Variants in NAALADL2 observed in about 807,000 individuals in gnomAD.
NAALADL2 encodes the protein inactive N-acetylated-alpha-linked acidic dipeptidase-like protein 2.
In NAALADL2, 76 loss-of-function variants were observed where a neutral mutation model predicts 87.2. The observed-to-expected ratio is 0.87, with a 90% CI of 0.72 to 1.05. NAALADL2 has a LOEUF of 1.05. Among genes scored for constraint, NAALADL2 ranks in the 50% least tolerant of loss-of-function variants. The probability of loss-of-function intolerance (pLI) is 0.00; values close to 1 mark genes in which losing one functional copy is unlikely to be tolerated. For synonymous variants in NAALADL2, 354 were observed against 331.0 expected (o/e 1.07, Z -0.75); for missense variants, 1,089 against 945.8 (o/e 1.15, Z -1.99).
At chr3:175,147,590 TGG>T (rs34061778) in intron 2 of NAALADL2, among the ~76,000 whole-genome samples, 1 of 151,762 alleles carries the variant, frequency 6.6e-6, no homozygotes, top group Non-Finnish European at 1.5e-5. Flanking sequence ...AGTTTATTTT[TGG>T]GGGGGGTATA....
At chr3:175,668,202 G>C (rs1360792092) in intron 11 of NAALADL2, among the ~76,000 whole-genome samples, 3 of 152,072 alleles carry the variant, frequency 2.0e-5, no homozygotes, top group Non-Finnish European at 2.9e-5. Flanking sequence ...TAGCACCTTT[G>C]TTCTTTACAA....
At chr3:174,623,022 G>A (rs1357026305) in intron 2 of NAALADL2, among the ~76,000 whole-genome samples, 2 of 152,142 alleles carry the variant, frequency 1.3e-5, no homozygotes, top group Non-Finnish European at 2.9e-5. Context: ...CAGCCTGGAC[G>A]ACAGAGTGAG....
intron 4 of NAALADL2, among the ~76,000 whole-genome samples, chr3:175,309,666 C>T (rs1311993226): frequency 6.6e-6 from 1 of 151,850 alleles, no homozygotes; most frequent in Non-Finnish European, 1.5e-5. Context: ...AAAGAAATCA[C>T]ATAACCTAAA....
Position 175,463,386 on chromosome 3 carries a change from T to C in NAALADL2, c.1235-15T>C. ...ATATAAAGAAGCAAAAGTCTTTAAA[T>C]TTTTATTTTTTCAGAAATAAGAGTC... On this transcript the variant is annotated splice_polypyrimidine_tract_variant and intron_variant, in intron 6 of 13. Transcript: ENST00000454872. The C allele has an allele frequency of 6.7e-7, 1 of 1,494,416 alleles. No homozygotes were observed. Among genetic ancestry groups the C allele is most frequent in the Non-Finnish European group, 9.0e-7 (1 of 1,107,650 alleles). 92.6% of individuals were successfully genotyped at this position (1,494,416 alleles called of 1,614,324 possible). A position where few individuals can be genotyped will look rare whatever the true frequency, so the allele number is the denominator to read the frequency against.
At chr3:174,974,345 A>G (rs1744082476) in intron 1 of NAALADL2, among the ~76,000 whole-genome samples, 1 of 152,138 alleles carries the variant, frequency 6.6e-6, no homozygotes. Context: ...AATTGTTTTA[A>G]TTTGCTCATT....
At chr3:175,370,072 T>C (rs1172253398) in intron 5 of NAALADL2, among the ~76,000 whole-genome samples, 1 of 152,150 alleles carries the variant, frequency 6.6e-6, no homozygotes, top group African/African-American at 2.4e-5. Context: ...ATGTTGCCAC[T>C]GGACAAAGTA....
intron 2 of NAALADL2, among the ~76,000 whole-genome samples, chr3:174,674,569 A>T (rs138102639): frequency 2.0e-5 from 3 of 151,950 alleles, no homozygotes; most frequent in Non-Finnish European, 1.5e-5. Flanking sequence ...TACACATAAT[A>T]CTGAAAATAT....
chr3:174,984,072 G>T (rs575843143), intron 1 of NAALADL2, among the ~76,000 whole-genome samples: 1 of 152,056 alleles, frequency 6.6e-6, no homozygotes, highest in African/African-American at 2.4e-5. Flanking sequence ...CAATGATTAT[G>T]ATTAGTAAAA....
At chr3:175,275,124 G>A (rs1305238798) in intron 4 of NAALADL2, among the ~76,000 whole-genome samples, 1 of 152,144 alleles carries the variant, frequency 6.6e-6, no homozygotes, top group Non-Finnish European at 1.5e-5. Context: ...CACTGTAGAA[G>A]TTTTTCTAGT....
At chr3:174,605,875 T>C (rs1328595629) in intron 2 of NAALADL2, among the ~76,000 whole-genome samples, 1 of 152,090 alleles carries the variant, frequency 6.6e-6, no homozygotes, top group Non-Finnish European at 1.5e-5. Flanking sequence ...CTCAAGTGGG[T>C]CCCTGACCCC....
intron 11 of NAALADL2, among the ~76,000 whole-genome samples, chr3:175,672,665 T>C (rs16826110): frequency 6.6e-6 from 1 of 152,180 alleles, no homozygotes; most frequent in Non-Finnish European, 1.5e-5. Context: ...GTAGGACTTA[T>C]AAATTCAATC....
intron 6 of NAALADL2, among the ~76,000 whole-genome samples, chr3:175,459,106 C>T (rs944526935): frequency 6.6e-6 from 1 of 151,998 alleles, no homozygotes; most frequent in Admixed American, 6.6e-5. Context: ...GGTCCACAAC[C>T]ACCATAAAAG....
chr3:175,701,549 G>A lies in NAALADL2; in HGVS notation c.1897-35757G>A, dbSNP rs150565082. 1.9e-3 allele frequency among the ~76,000 whole-genome samples: 295 copies of A among 152,076 alleles called. 1 individual carries two copies. Among genetic ancestry groups the A allele is most frequent in the African/African-American group, 6.6e-3 (272 of 41,508 alleles). On this transcript the variant is annotated intron_variant, in intron 11 of 13. Transcript: ENST00000454872. Reference sequence around the variant, plus strand: ...AATGGCATGCCTTCCGTTAATTATCGCACTTGTGGGCACAGGAGTGAAAAC... The same window carrying A: ...AATGGCATGCCTTCCGTTAATTATCACACTTGTGGGCACAGGAGTGAAAAC...
rs62286234 is a variant in NAALADL2 at position 174,978,745 on chromosome 3, G to A, written c.44-118045G>A. On this transcript the variant is annotated intron_variant, in intron 1 of 13. Coordinates refer to ENST00000454872, the MANE Select transcript of NAALADL2 (RefSeq NM_207015.3). ...TGTGATTAAACATAAATTATAAATC[G>A]TCCTAGAATATTGTTAAAACATATT... Among the ~76,000 whole-genome samples, 1,212 of 152,140 alleles carry A rather than the reference G, an allele frequency of 8.0e-3. 9 individuals are homozygous for A. Among genetic ancestry groups the A allele is most frequent in the African/African-American group, 0.026 (1,063 of 41,500 alleles).
rs2149715489 is a variant in NAALADL2 at position 175,627,311 on chromosome 3, G to A, written c.1821G>A (p.Glu607=). 1 of 1,568,016 alleles carries A rather than the reference G, an allele frequency of 6.4e-7. No homozygotes were observed. Among genetic ancestry groups the A allele is most frequent in the Non-Finnish European group, 8.7e-7 (1 of 1,154,062 alleles). Residue 607 remains glutamate (E), a synonymous_variant, in exon 11 of 14, where the codon GAG becomes GAA. Transcript: ENST00000454872. ...KTLEGPSFLS[E]ARFSTRATKI... is the part of the protein sequence containing the mutation. ...CGCAGGGTCCAAGTTTTCTCTCCGA[G>A]GCCCGTTTTTCTACACGAGCAACAA...
intron 3 of NAALADL2, among the ~76,000 whole-genome samples, chr3:175,236,892 TATAA>T (rs1254474673): frequency 1.3e-5 from 2 of 152,208 alleles, no homozygotes; most frequent in Non-Finnish European, 2.9e-5. Context: ...AGGATGGATA[TATAA>T]ATATTCTTCG....
chr3:174,927,778 C>G (rs1419220252), intron 1 of NAALADL2, among the ~76,000 whole-genome samples: 1 of 152,238 alleles, frequency 6.6e-6, no homozygotes, highest in South Asian at 2.1e-4. Flanking sequence ...AATTGACACC[C>G]TAACATCGCA....
chr3:174,766,093 C>T (rs1358042240), intron 3 of NAALADL2, among the ~76,000 whole-genome samples: 1 of 152,082 alleles, frequency 6.6e-6, no homozygotes. Flanking sequence ...ATTGGGAGCT[C>T]TAAAGGAAAG....
chr3:174,455,054 G>A (rs1437527254), intron 1 of NAALADL2, among the ~76,000 whole-genome samples: 1 of 151,334 alleles, frequency 6.6e-6, no homozygotes, highest in African/African-American at 2.4e-5. Flanking sequence ...GGATATTACT[G>A]CTGACCCCAC....
Sources: allele counts gnomAD v4.1 joint callset (sites outside exome capture counted in the v4.1 genomes callset), GRCh38; gene constraint gnomAD v4.1.1; transcripts MANE v1.5; gene names NCBI Gene and HGNC (gene_info 2026-07-23, HGNC 2026-07-21).